The following HHIPL2 variants were observed in gnomAD, a reference collection of about 807,000 sequenced individuals.
The protein encoded by HHIPL2 is HHIP like 2.
In HHIPL2, 61 loss-of-function variants were observed where a neutral mutation model predicts 61.0. The ratio of observed to expected loss-of-function variants is 1.00; its 90% CI spans 0.81 to 1.24. The LOEUF (loss-of-function observed/expected upper bound fraction) is 1.24. Ranked by LOEUF, HHIPL2 falls within the 50% of genes most tolerant of loss-of-function variation. HHIPL2 has a pLI of 0.00. For synonymous variants in HHIPL2, 343 were observed against 357.4 expected (o/e 0.96, Z 0.45); for missense variants, 885 against 910.2 (o/e 0.97, Z 0.36).
chr1:222,523,009 A>G, intron 8 of HHIPL2, 122 bp from the exon 9 acceptor site: 3 of 815,504 alleles, frequency 3.7e-6, no homozygotes, highest in Non-Finnish European at 3.6e-6. Flanking sequence ...TTAATTCTCT[A>G]ACTGGCCTTG....
Position 222,522,705 on chromosome 1 carries a change from C to T in HHIPL2, c.2071G>A (p.Gly691Arg). 1.2e-6 allele frequency: 2 copies of T among 1,614,148 alleles called. No homozygotes were observed. The highest frequency in any genetic ancestry group is 2.2e-5 in the East Asian group (1 of 44,866). The change falls in exon 9 of 9, where the codon GGG (glycine) becomes AGG (arginine). Residue 691 changes from glycine (G) to arginine (R), a missense_variant. Coordinates refer to ENST00000343410, the MANE Select transcript of HHIPL2 (RefSeq NM_024746.4). ...GPGTKKKARV[G>R]PHVRQGKRRK... ...CTCTTGCCCTGGCGGACGTGGGGCC[C>T]CACTCTGGCTTTCTTCTTTGTACCA...
intron 5 of HHIPL2, among the ~76,000 whole-genome samples, chr1:222,538,314 G>C (rs1182535729): frequency 6.6e-6 from 1 of 151,474 alleles, no homozygotes; most frequent in East Asian, 1.9e-4. Context: ...ACGGGGGACA[G>C]GCTGGAGACC....
chr1:222,538,593 C>T, intron 5 of HHIPL2, 55 bp downstream of exon 5: 2 of 1,504,714 alleles, frequency 1.3e-6, no homozygotes, highest in African/African-American at 1.4e-5. Context: ...TAAGTTATAC[C>T]TCAGTAAAAA....
intron 4 of HHIPL2, 33 bp from the exon 5 acceptor site, chr1:222,538,807 G>T: frequency 6.2e-7 from 1 of 1,609,190 alleles, no homozygotes; most frequent in Non-Finnish European, 8.5e-7. Flanking sequence ...AGTGAGTGTC[G>T]TGGCCTAAAA....
chr1:222,542,110 T>C lies in HHIPL2; in HGVS notation c.1020A>G (p.Gly340=). The change falls in exon 3 of 9, where the codon GGA becomes GGG. Residue 340 remains glycine, a synonymous_variant. Coordinates refer to ENST00000343410, the MANE Select transcript of HHIPL2 (RefSeq NM_024746.4). ...IEEPASNHNG[G]QLLFGLDGYM... The stretch of plus-strand genomic sequence containing the variant: ...AGCCATCCAGGCCAAAAAGAAGTTG[T>C]CCGCCATTATGGTTTGAGGCTGGTT... 1.2e-6 allele frequency: 2 copies of C among 1,614,084 alleles called. No homozygotes were observed. Among genetic ancestry groups the C allele is most frequent in the South Asian group, 2.2e-5 (2 of 91,062 alleles).
chr1:222,522,718 C>A lies in HHIPL2; in HGVS notation c.2058G>T (p.Lys686Asn). 6.2e-7 allele frequency: 1 copy of A among 1,614,150 alleles called. No homozygotes were observed. Among genetic ancestry groups the A allele is most frequent in the Non-Finnish European group, 8.5e-7 (1 of 1,180,044 alleles). ...GGACGTGGGGCCCCACTCTGGCTTT[C>A]TTCTTTGTACCAGGCCCTCGCAATG... ...KNTLRGPGTK[K>N]KARVGPHVRQ... Residue 686 changes from lysine (K) to asparagine (N), a missense_variant, in exon 9 of 9, where the codon AAG (lysine) becomes AAT (asparagine). By Grantham distance (94) the Lys-to-Asn change is moderately conservative. Coordinates refer to ENST00000343410, the MANE Select transcript of HHIPL2 (RefSeq NM_024746.4).
intron 3 of HHIPL2, 123 bp from the exon 4 acceptor site, chr1:222,540,464 A>T: frequency 2.8e-6 from 2 of 713,432 alleles, no homozygotes; most frequent in Non-Finnish European, 4.5e-6. Context: ...TCCCATGGGA[A>T]GATTTGACTT....
rs1659200670 is a variant in HHIPL2 at position 222,531,950 on chromosome 1, T to C, written c.1723+16A>G. 6.3e-7 allele frequency: 1 copy of C among 1,588,970 alleles called. No homozygotes were observed. Among genetic ancestry groups the C allele is most frequent in the Non-Finnish European group, 8.6e-7 (1 of 1,164,222 alleles). ...TTCTAGTAAGCAGAAATCAAACAACTCTGTACATTTGTTACCTGCTTCATC... is the reference window on the plus strand; with the variant it reads ...TTCTAGTAAGCAGAAATCAAACAACCCTGTACATTTGTTACCTGCTTCATC... On this transcript the variant is annotated intron_variant, in intron 6 of 8. Transcript: ENST00000343410.
At chr1:222,538,412 TGAGAGAGAGACA>T (rs1052625429) in intron 5 of HHIPL2, among the ~76,000 whole-genome samples, 4 of 124,090 alleles carry the variant, frequency 3.2e-5, no homozygotes, top group South Asian at 2.5e-4. Context: ...GCCCCTGGTA[TGAGAGAGAGACA>T]GAGAGAGAGA....
chr1:222,532,185 A>G, intron 5 of HHIPL2, 74 bp from the exon 6 acceptor site: 3 of 1,396,760 alleles, frequency 2.1e-6, no homozygotes, highest in Non-Finnish European at 2.9e-6. Context: ...TCCTAGAATC[A>G]GAGATCCCTG....
chr1:222,547,369 T>A (rs1659576468), intron 1 of HHIPL2, among the ~76,000 whole-genome samples: 1 of 152,184 alleles, frequency 6.6e-6, no homozygotes, highest in African/African-American at 2.4e-5. Context: ...TTTAAGTGCC[T>A]AGCTCTCTGA....
intron 6 of HHIPL2, among the ~76,000 whole-genome samples, chr1:222,529,323 G>T (rs1659140027): frequency 6.6e-6 from 1 of 152,284 alleles, no homozygotes; most frequent in East Asian, 1.9e-4. Flanking sequence ...GAGTCAGTTT[G>T]CTTTGTCTGA....
intron 5 of HHIPL2, among the ~76,000 whole-genome samples, chr1:222,538,431 G>A (rs981693875): frequency 2.6e-5 from 4 of 151,114 alleles, no homozygotes; most frequent in Admixed American, 2.6e-4. Context: ...GACAGAGAGA[G>A]AGAGAGAGAG....
Position 222,532,458 on chromosome 1 carries a change from A to G in HHIPL2, c.1578-347T>C, listed in dbSNP as rs112231675. 5.0e-3 allele frequency among the ~76,000 whole-genome samples: 763 copies of G among 152,234 alleles called. 5 individuals carry two copies. Among genetic ancestry groups the G allele is most frequent in the African/African-American group, 0.017 (717 of 41,516 alleles). On this transcript the variant is annotated intron_variant, in intron 5 of 8. Transcript: ENST00000343410. Reference sequence around the variant, plus strand: ...TGAAACCCCCATCTCTACTAAAAATACAAAAATTAGCCAGGCAGGGTGGTG... The same window carrying G: ...TGAAACCCCCATCTCTACTAAAAATGCAAAAATTAGCCAGGCAGGGTGGTG...
rs1558133107 is a variant in HHIPL2 at position 222,544,083 on chromosome 1, T to A, written c.428A>T (p.Asn143Ile). 2 of 1,613,994 alleles carry A rather than the reference T, an allele frequency of 1.2e-6. No individual in the cohort carries two copies. Among genetic ancestry groups the A allele is most frequent in the Admixed American group, 3.3e-5 (2 of 60,008 alleles). Residue 143 changes from asparagine to isoleucine, a missense_variant, in exon 2 of 9, where the codon AAC (asparagine) becomes ATC (isoleucine). Asn to Ile is a moderately radical substitution (Grantham distance 149, BLOSUM62 -3). Transcript: ENST00000343410. ...CAGCAGGGAAATGGCTGAGTGACAGTTAGAATGGAAGGCAGAGCAGTAATC... is the reference window on the plus strand; with the variant it reads ...CAGCAGGGAAATGGCTGAGTGACAGATAGAATGGAAGGCAGAGCAGTAATC... ...CSDYCSAFHS[N>I]CHSAISLLTN...
intron 2 of HHIPL2, 78 bp from the exon 3 acceptor site, chr1:222,542,233 A>T: frequency 6.6e-7 from 1 of 1,524,408 alleles, no homozygotes; most frequent in South Asian, 1.2e-5. Flanking sequence ...CCCAGAAATG[A>T]CTGGGCCAAG....
At chr1:222,538,373 G>A (rs922214930) in intron 5 of HHIPL2, among the ~76,000 whole-genome samples, 1 of 151,790 alleles carries the variant, frequency 6.6e-6, no homozygotes, top group African/African-American at 2.4e-5. Flanking sequence ...AAGCTGGATG[G>A]AAGCTGGGCC....
chr1:222,542,546 T>G (rs1306736546), intron 2 of HHIPL2, among the ~76,000 whole-genome samples: 1 of 148,770 alleles, frequency 6.7e-6, no homozygotes, highest in African/African-American at 2.5e-5. Flanking sequence ...TTTTTTTTTT[T>G]TTGAGATGGA....
Position 222,542,154 on chromosome 1 carries a change from C to A in HHIPL2, c.976G>T (p.Val326Phe), listed in dbSNP as rs772529784. ...GCTGGTTCTTCAATCTCCAAGATGA[C>A]CCTGGAAGAGAAAAAAGAAACCACA... ...PNKADLKSER[V>F]ILEIEEPASN... The change falls in exon 3 of 9, where the codon GTC becomes TTC. Residue 326 changes from valine (V) to phenylalanine (F), a missense_variant and splice_region_variant. Val to Phe is a conservative substitution (Grantham distance 50). Transcript: ENST00000343410. The A allele has an allele frequency of 6.2e-7, 1 of 1,611,956 alleles. No individual in the cohort carries two copies.
Sources: gnomAD v4.1 joint callset for allele counts (sites outside exome capture counted in the v4.1 genomes callset) on GRCh38, gnomAD v4.1.1 for gene constraint, MANE v1.5 for transcripts, NCBI Gene and HGNC (gene_info 2026-07-23, HGNC 2026-07-21) for gene names.